The following P2RY12 variants were observed in gnomAD, a reference collection of about 807,000 sequenced individuals.
P2RY12 encodes the protein purinergic receptor P2Y12, also known as P2Y purinoceptor 12.
In P2RY12, 3 loss-of-function variants were observed where a neutral mutation model predicts 4.5. The observed-to-expected ratio is 0.67, with a 90% confidence interval of 0.31 to 1.74. P2RY12 has a LOEUF of 1.74. P2RY12 is among the 40% of genes most tolerant of loss of function. The pLI, the probability that P2RY12 is intolerant of heterozygous loss-of-function variation, is 0.09. For synonymous variants in P2RY12, 148 were observed against 154.1 expected, an observed-to-expected ratio of 0.96 and a Z score of 0.29; for missense variants, 356 against 407.8, an observed-to-expected ratio of 0.87 and a Z score of 1.09.
At chr3:151,372,838 A>T (rs1756360085) in intron 1 of P2RY12, 2 of 1,255,046 alleles carry the variant, frequency 1.6e-6, no homozygotes, top group Admixed American at 1.9e-5. Flanking sequence ...TTACACTTAT[A>T]GGAAACTTGT....
At chr3:151,377,100 T>A in intron 1 of P2RY12, 1 of 1,614,120 alleles carries the variant, frequency 6.2e-7, no homozygotes, top group Non-Finnish European at 8.5e-7. Flanking sequence ...AATTCTGGCA[T>A]GAGCCTCTTC....
chr3:151,384,310 A>C, intron 1 of P2RY12: 1 of 1,260,932 alleles, frequency 7.9e-7, no homozygotes, highest in Non-Finnish European at 1.1e-6. Context: ...AAATGTTATT[A>C]ATTGTATTCA....
At chr3:151,372,681 C>G in intron 1 of P2RY12, 1 of 1,613,900 alleles carries the variant, frequency 6.2e-7, no homozygotes, top group Non-Finnish European at 8.5e-7. Flanking sequence ...TCACAAAATC[C>G]AAAATCCTGT....
chr3:151,383,469 C>G (rs772932508), intron 1 of P2RY12, among the ~76,000 whole-genome samples: 4 of 152,190 alleles, frequency 2.6e-5, no homozygotes, highest in Non-Finnish European at 5.9e-5. Flanking sequence ...TTTAATTCAA[C>G]TATAATTGCA....
rs577446863 is a variant in P2RY12, at chr3:151,376,242, T to C, written c.-180+8450A>G. 3.3e-5 allele frequency: 45 copies of C among 1,359,834 alleles called. No individual in the cohort carries two copies. In the South Asian group the frequency reaches 9.3e-4, roughly 28 times the overall value. The allele number at this position is 1,359,834 out of a possible 1,614,324, so 84.2% of individuals were successfully genotyped here. A position where few individuals can be genotyped will look rare whatever the true frequency, so the allele number is the denominator to read the frequency against. On this transcript the variant is annotated intron_variant, in intron 1 of 2. Coordinates refer to ENST00000302632, the MANE Select transcript of P2RY12 (RefSeq NM_022788.5). ...CAGTCGTATACAGATTGTGTTTCTG[T>C]CATTTGATAAATTCTTCGTAATAAT...
intron 1 of P2RY12, chr3:151,383,921 A>G: frequency 6.4e-7 from 1 of 1,567,932 alleles, no homozygotes; most frequent in Non-Finnish European, 8.8e-7. Flanking sequence ...TGATTTTGCT[A>G]CATGTATGCA....
At chr3:151,369,493 A>G in intron 1 of P2RY12, 1 of 1,612,472 alleles carries the variant, frequency 6.2e-7, no homozygotes, top group Non-Finnish European at 8.5e-7. Flanking sequence ...GCCGCTGCTC[A>G]CAACAGCATT....
intron 1 of P2RY12, among the ~76,000 whole-genome samples, chr3:151,358,827 A>T (rs963630208): frequency 2.5e-4 from 38 of 152,314 alleles, no homozygotes; most frequent in South Asian, 6.2e-4. Context: ...GAAGTTGAGG[A>T]AACACTGACT....
chr3:151,372,859 G>T, intron 1 of P2RY12: 2 of 893,758 alleles, frequency 2.2e-6, no homozygotes, highest in South Asian at 1.9e-5. Flanking sequence ...GCATAGGTGG[G>T]CCTTTTTTTC....
intron 2 of P2RY12, among the ~76,000 whole-genome samples, chr3:151,339,552 C>A (rs1751525768): frequency 6.6e-6 from 1 of 151,728 alleles, no homozygotes; most frequent in African/African-American, 2.4e-5. Flanking sequence ...ATATTTTAAC[C>A]CATGTGTATC....
At chr3:151,368,396 T>A in intron 1 of P2RY12, 9 of 685,244 alleles carry the variant, frequency 1.3e-5, no homozygotes, top group Non-Finnish European at 1.8e-5. Flanking sequence ...ATGATACTAT[T>A]CATTGAGAGG....
At chr3:151,372,938 A>C (rs1756372792) in intron 1 of P2RY12, among the ~76,000 whole-genome samples, 1 of 152,198 alleles carries the variant, frequency 6.6e-6, no homozygotes. Flanking sequence ...TAAAAAACTC[A>C]TGTCCATCCT....
chr3:151,347,437 T>G (rs987003590), intron 1 of P2RY12, among the ~76,000 whole-genome samples: 2 of 152,144 alleles, frequency 1.3e-5, no homozygotes, highest in African/African-American at 2.4e-5. Flanking sequence ...ATTAAACAAA[T>G]ACCTAGAAAA....
At position 151,353,500 on chromosome 3, in the gene P2RY12, T is replaced by C. The variant is rs148169026; in HGVS notation, c.-179-12740A>G. Among the ~76,000 whole-genome samples, 149 of 152,360 alleles carry C rather than the reference T, an allele frequency of 9.8e-4. 1 individual carries two copies. The East Asian group carries it at 0.021, about 22-fold the overall frequency. ...AAAAGTGGCACAAGCTTGTAACTTATGTTACCCCAGCACCTTTAAATTCTG... is the reference window on the plus strand; with the variant it reads ...AAAAGTGGCACAAGCTTGTAACTTACGTTACCCCAGCACCTTTAAATTCTG... On this transcript the variant is annotated intron_variant, in intron 1 of 2. Transcript: ENST00000302632.
chr3:151,364,581 A>G (rs1755051564), intron 1 of P2RY12, among the ~76,000 whole-genome samples: 1 of 152,204 alleles, frequency 6.6e-6, no homozygotes, highest in Admixed American at 6.5e-5. Context: ...TGTAATTAAG[A>G]GTACTCTTAT....
chr3:151,355,578 A>T (rs911284863), intron 1 of P2RY12, among the ~76,000 whole-genome samples: 3 of 152,228 alleles, frequency 2.0e-5, no homozygotes, highest in Non-Finnish European at 4.4e-5. Flanking sequence ...ATTGAGAAGA[A>T]AACACATCTG....
rs1340995254 is a variant in P2RY12 at position 151,337,763 on chromosome 3, G to T, written c.*54C>A. Reference sequence around the variant, plus strand: ...AGTTAATATTTTTACTTAGCGCTTTGCTTTAACGAGTTCTGAACACAAAGA... The same window carrying T: ...AGTTAATATTTTTACTTAGCGCTTTTCTTTAACGAGTTCTGAACACAAAGA... On this transcript the variant is annotated 3_prime_UTR_variant, in exon 3 of 3. Transcript: ENST00000302632. The T allele has an allele frequency of 1.3e-5, 20 of 1,556,104 alleles. No homozygotes were observed. The highest frequency in any genetic ancestry group is 1.7e-5 in the Non-Finnish European group (19 of 1,130,772).
intron 1 of P2RY12, among the ~76,000 whole-genome samples, chr3:151,366,454 T>G (rs566355316): frequency 1.3e-5 from 2 of 152,336 alleles, no homozygotes; most frequent in East Asian, 3.9e-4. Context: ...AGGTCTAGAT[T>G]CCGAGGATGT....
intron 1 of P2RY12, among the ~76,000 whole-genome samples, chr3:151,370,457 T>C (rs1444445517): frequency 6.6e-6 from 1 of 152,142 alleles, no homozygotes; most frequent in Non-Finnish European, 1.5e-5. Context: ...GATAACAGAA[T>C]TTTCATAAAA....
Sources: allele counts gnomAD v4.1 joint callset (sites outside exome capture counted in the v4.1 genomes callset), GRCh38; gene constraint gnomAD v4.1.1; transcripts MANE v1.5; gene names NCBI Gene and HGNC (gene_info 2026-07-23, HGNC 2026-07-21).